Variants in SLC35F3 observed in about 807,000 individuals in gnomAD.
SLC35F3 encodes putative thiamine transporter SLC35F3.
Under a neutral mutation model 49.9 loss-of-function variants are expected in SLC35F3, and 25 were observed. The ratio of observed to expected loss-of-function variants is 0.50; its 90% CI spans 0.37 to 0.70. SLC35F3 has a LOEUF of 0.70. Among genes scored for constraint, SLC35F3 ranks in the 30% least tolerant of loss-of-function variants. SLC35F3 has a pLI of 0.00. For synonymous variants in SLC35F3, 275 were observed against 265.4 expected (o/e 1.04, Z -0.35); for missense variants, 525 against 639.8 (o/e 0.82, Z 1.94).
chr1:234,036,556 C>G (rs1664147101), intron 2 of SLC35F3, among the ~76,000 whole-genome samples: 1 of 152,202 alleles, frequency 6.6e-6, no homozygotes, highest in Non-Finnish European at 1.5e-5. Context: ...AATTAATTTC[C>G]TATTTTATCT....
At chr1:233,937,684 A>G (rs561091353) in intron 2 of SLC35F3, among the ~76,000 whole-genome samples, 51 of 152,342 alleles carry the variant, frequency 3.3e-4, no homozygotes, top group Middle Eastern at 3.4e-3. Context: ...TGAAAAATAT[A>G]CTCTGAAACA....
intron 2 of SLC35F3, among the ~76,000 whole-genome samples, chr1:234,032,405 G>A (rs10157895): frequency 0.36 from 55,272 of 151,636 alleles, 11,101 homozygotes; most frequent in Middle Eastern, 0.47. Flanking sequence ...GAGAGCAGGT[G>A]GTGTTTGGTA....
At chr1:234,232,536 A>AAG (rs974925251) in intron 3 of SLC35F3, among the ~76,000 whole-genome samples, 9 of 138,542 alleles carry the variant, frequency 6.5e-5, no homozygotes, top group Non-Finnish European at 5.0e-5. Flanking sequence ...AAAAAAAAAA[A>AAG]AAAAGAAAAA....
At chr1:233,909,864 G>T (rs1661846228) in intron 2 of SLC35F3, among the ~76,000 whole-genome samples, 1 of 152,186 alleles carries the variant, frequency 6.6e-6, no homozygotes, top group Admixed American at 6.5e-5. Flanking sequence ...TGCTGCAATA[G>T]AACTCTCTTC....
intron 5 of SLC35F3, among the ~76,000 whole-genome samples, chr1:234,317,962 G>T (rs1657529873): frequency 2.0e-5 from 3 of 152,234 alleles, no homozygotes; most frequent in African/African-American, 7.2e-5. Context: ...GAGGCTGAAA[G>T]CCATTTACTA....
At chr1:234,036,059 T>C (rs1322199881) in intron 2 of SLC35F3, among the ~76,000 whole-genome samples, 1 of 152,152 alleles carries the variant, frequency 6.6e-6, no homozygotes, top group Non-Finnish European at 1.5e-5. Context: ...ACTCTAGGGT[T>C]ATCTAGTTGT....
intron 2 of SLC35F3, among the ~76,000 whole-genome samples, chr1:234,029,655 T>C (rs889942457): frequency 1.3e-5 from 2 of 152,184 alleles, no homozygotes; most frequent in Admixed American, 1.3e-4. Context: ...TTCTTCCTAT[T>C]TTCCACCCTT....
chr1:234,280,531 T>A (rs1211926264), intron 3 of SLC35F3, among the ~76,000 whole-genome samples: 4 of 152,146 alleles, frequency 2.6e-5, no homozygotes, highest in African/African-American at 9.7e-5. Context: ...CTTGACAGCC[T>A]TCAGAATGGA....
At chr1:234,281,566 T>C (rs1249377945) in intron 3 of SLC35F3, among the ~76,000 whole-genome samples, 4 of 152,216 alleles carry the variant, frequency 2.6e-5, no homozygotes, top group Non-Finnish European at 4.4e-5. Context: ...AAACAGACTT[T>C]TCAAAACATC....
intron 3 of SLC35F3, among the ~76,000 whole-genome samples, chr1:234,246,114 T>C (rs1667627483): frequency 6.6e-6 from 1 of 152,150 alleles, no homozygotes; most frequent in South Asian, 2.1e-4. Context: ...AGGTGGTGTT[T>C]AGAGAGAGTA....
chr1:234,149,796 G>A (rs1221959618), intron 2 of SLC35F3, among the ~76,000 whole-genome samples: 12 of 152,160 alleles, frequency 7.9e-5, no homozygotes, highest in Admixed American at 7.9e-4. Flanking sequence ...TCTATTGGAA[G>A]TCAGTTCAAT....
chr1:234,131,172 G>A (rs1665729944), intron 2 of SLC35F3, among the ~76,000 whole-genome samples: 1 of 128,610 alleles, frequency 7.8e-6, no homozygotes, highest in Admixed American at 7.3e-5. Context: ...TGAGGTTGTG[G>A]TGATGTTCTA....
intron 2 of SLC35F3, among the ~76,000 whole-genome samples, chr1:234,124,501 A>G (rs755964642): frequency 6.6e-6 from 1 of 152,232 alleles, no homozygotes; most frequent in Non-Finnish European, 1.5e-5. Context: ...ATTTAGCACC[A>G]TATATGTACT....
chr1:234,259,807 T>C (rs1323872842), intron 3 of SLC35F3, among the ~76,000 whole-genome samples: 2 of 152,110 alleles, frequency 1.3e-5, no homozygotes, highest in African/African-American at 4.8e-5. Context: ...TCTACAGATA[T>C]CACTATATCT....
intron 2 of SLC35F3, among the ~76,000 whole-genome samples, chr1:233,974,345 C>A (rs1456720938): frequency 6.6e-6 from 1 of 151,804 alleles, no homozygotes; most frequent in Non-Finnish European, 1.5e-5. Flanking sequence ...CCACCACCCT[C>A]GGCAGATTTT....
chr1:233,948,356 C>A (rs1444785677), intron 2 of SLC35F3, among the ~76,000 whole-genome samples: 1 of 151,946 alleles, frequency 6.6e-6, no homozygotes, highest in Non-Finnish European at 1.5e-5. Context: ...CCTCCAGCCC[C>A]ATCTTTGATC....
intron 2 of SLC35F3, among the ~76,000 whole-genome samples, chr1:234,223,008 T>C (rs1255978877): frequency 1.3e-5 from 2 of 152,206 alleles, no homozygotes; most frequent in Non-Finnish European, 2.9e-5. Flanking sequence ...CAAGTTCAGA[T>C]GCTTTCAGAC....
intron 2 of SLC35F3, among the ~76,000 whole-genome samples, chr1:234,005,007 G>A (rs1243345735): frequency 1.3e-5 from 2 of 152,010 alleles, no homozygotes; most frequent in Admixed American, 6.6e-5. Flanking sequence ...TCTTAAGCAG[G>A]AAATGAAAGA....
rs1668367511 is a variant in SLC35F3 at position 234,283,840 on chromosome 1, A to G, written c.609-25261A>G. On this transcript the variant is annotated intron_variant, in intron 3 of 7. Transcript: ENST00000366618. ...GGAATTTGTAATTATCATAGTAAAGAGCATTTGCAGTACCAATACCCCTTT... is the reference window on the plus strand; with the variant it reads ...GGAATTTGTAATTATCATAGTAAAGGGCATTTGCAGTACCAATACCCCTTT... Among the ~76,000 whole-genome samples, 7 of 152,328 alleles carry G rather than the reference A, an allele frequency of 4.6e-5. No individual in the cohort carries two copies. In the South Asian group the frequency reaches 1.4e-3, roughly 32 times the overall value.
Sources: gnomAD v4.1 joint callset for allele counts (sites outside exome capture counted in the v4.1 genomes callset) on GRCh38, gnomAD v4.1.1 for gene constraint, MANE v1.5 for transcripts, NCBI Gene and HGNC (gene_info 2026-07-23, HGNC 2026-07-21) for gene names.